RAP1GAP2: variants seen among roughly 807,000 people sequenced by gnomAD.
RAP1GAP2 encodes the protein rap1 GTPase-activating protein 2.
RAP1GAP2 carries 27 observed loss-of-function variants against 95.0 expected under a neutral mutation model. The observed-to-expected ratio is 0.28, with a 90% confidence interval of 0.21 to 0.39. The LOEUF (loss-of-function observed/expected upper bound fraction) is 0.39. Ranked by LOEUF, RAP1GAP2 falls within the 10% of genes least tolerant of loss-of-function variation. The pLI is 1.00. For synonymous variants in RAP1GAP2, 373 were observed against 380.9 expected, an observed-to-expected ratio of 0.98 and a Z score of 0.24; for missense variants, 771 against 970.0, an observed-to-expected ratio of 0.79 and a Z score of 2.72.
chr17:2,986,526 A>C (rs1597801309), intron 11 of RAP1GAP2, among the ~76,000 whole-genome samples: 1 of 150,460 alleles, frequency 6.6e-6, no homozygotes, highest in East Asian at 2.0e-4. Flanking sequence ...GTGGAGGAAA[A>C]AGCCAAGAAG....
chr17:2,922,205 G>A (rs1407862830), intron 3 of RAP1GAP2, among the ~76,000 whole-genome samples: 1 of 152,226 alleles, frequency 6.6e-6, no homozygotes, highest in African/African-American at 2.4e-5. Context: ...TGTCCTCACA[G>A]GGAGGAAGGC....
In RAP1GAP2 at chr17:2,800,519, G is replaced by A. The variant is rs138309648; in HGVS notation, c.49G>A (p.Asp17Asn). The change falls in exon 2 of 25, where the codon GAC (aspartate) becomes AAC (asparagine). Residue 17 changes from aspartate to asparagine, a missense_variant. By Grantham distance (23) the Asp-to-Asn change is conservative. Transcript: ENST00000254695. ...CCCTTGCTTTTCTCTTGGCAGGATC[G>A]ACAAGACCATGCTGGCAAGTCTGAA... The part of the protein sequence containing the change: ...SVSFGGFGWI[D>N]KTMLASLKVK... The A allele has an allele frequency of 1.4e-5, 23 of 1,612,626 alleles. No individual in the cohort carries two copies. The highest frequency in any genetic ancestry group is 1.8e-5 in the Non-Finnish European group (21 of 1,179,356).
At chr17:2,791,251 G>A (rs1329380381) in intron 1 of RAP1GAP2, among the ~76,000 whole-genome samples, 3 of 152,158 alleles carry the variant, frequency 2.0e-5, no homozygotes, top group Non-Finnish European at 4.4e-5. Flanking sequence ...GTTCCCTGGA[G>A]CTCTGCCCTG....
intron 1 of RAP1GAP2, among the ~76,000 whole-genome samples, chr17:2,762,359 C>G (rs1215022275): frequency 1.4e-5 from 2 of 145,842 alleles, no homozygotes; most frequent in South Asian, 2.2e-4. Flanking sequence ...TGTTAGTTGT[C>G]TTTGTATTAT....
intron 2 of RAP1GAP2, among the ~76,000 whole-genome samples, chr17:2,883,744 C>A (rs1168368848): frequency 6.6e-6 from 1 of 152,224 alleles, no homozygotes; most frequent in Non-Finnish European, 1.5e-5. Context: ...TTCCTGATGG[C>A]CGCAGGATGA....
chr17:2,756,712 A>G (rs1832157823), intron 1 of RAP1GAP2, among the ~76,000 whole-genome samples: 1 of 152,118 alleles, frequency 6.6e-6, no homozygotes, highest in Admixed American at 6.6e-5. Flanking sequence ...ATGAACAATA[A>G]TGTCATCAAT....
chr17:2,772,989 G>A (rs111648696), upstream of RAP1GAP2, among the ~76,000 whole-genome samples: 13,059 of 151,614 alleles, frequency 0.086, 849 homozygotes, highest in East Asian at 0.33. Context: ...CTCCCTAGTA[G>A]CTGGGATTAC....
At chr17:2,964,557 ATGAGTCCTTG>A in intron 7 of RAP1GAP2, 2 of 159,256 alleles carry the variant, frequency 1.3e-5, no homozygotes, top group South Asian at 3.5e-4. Context: ...GCCCAGTGCC[ATGAGTCCTTG>A]TGGGGACCAC....
At chr17:2,908,877 A>T (rs1056125649) in intron 3 of RAP1GAP2, among the ~76,000 whole-genome samples, 5 of 151,964 alleles carry the variant, frequency 3.3e-5, no homozygotes, top group Admixed American at 2.0e-4. Flanking sequence ...AGCTAATTTA[A>T]AAATTTTCTG....
intron 2 of RAP1GAP2, among the ~76,000 whole-genome samples, chr17:2,805,494 TA>T (rs1320857409): frequency 2.1e-4 from 32 of 152,140 alleles, no homozygotes. Flanking sequence ...TAGCTGGGAT[TA>T]CAGGTGTGCA....
intron 3 of RAP1GAP2, among the ~76,000 whole-genome samples, chr17:2,936,462 G>A (rs997386372): frequency 2.6e-5 from 4 of 151,420 alleles, no homozygotes; most frequent in Admixed American, 1.3e-4. Flanking sequence ...ACAGACAAAC[G>A]CACTCACCTT....
chr17:2,892,455 G>A (rs562868641), intron 2 of RAP1GAP2, among the ~76,000 whole-genome samples: 1 of 152,276 alleles, frequency 6.6e-6, no homozygotes, highest in East Asian at 1.9e-4. Flanking sequence ...CTCATCTTGG[G>A]TGGCTCAGAT....
At position 2,866,087 on chromosome 17, in the gene RAP1GAP2, A is replaced by AG. The variant is rs113510206; in HGVS notation, c.81-39192dup. On this transcript the variant is annotated intron_variant, in intron 2 of 24. Transcript: ENST00000254695. The surrounding 1 kb of genome is among the most constrained non-coding windows in gnomAD (Gnocchi z 4.0). ...CAGGGAGCCCTGGAGGTCAGAAGAA[A>AG]GGGGGACCGCCCAAGGAAGGCTGCC... Among the ~76,000 whole-genome samples the AG allele has an allele frequency of 4.9e-3, 747 of 152,360 alleles. 5 individuals carry two copies. Among genetic ancestry groups the AG allele is most frequent in the African/African-American group, 0.016 (661 of 41,592 alleles).
At chr17:2,847,939 A>T (rs2151585538) in intron 2 of RAP1GAP2, among the ~76,000 whole-genome samples, 1 of 152,362 alleles carries the variant, frequency 6.6e-6, no homozygotes, top group South Asian at 2.1e-4. Flanking sequence ...AAATTACTGT[A>T]GTCATGCAGC....
Position 2,965,896 on chromosome 17 carries a change from C to T in RAP1GAP2, c.596+253C>T. The T allele has an allele frequency of 2.0e-6, 1 of 504,268 alleles. No homozygotes were observed. The allele number at this position is 504,268 out of a possible 1,614,324, so 31.2% of individuals were successfully genotyped here. On this transcript the variant is annotated intron_variant, in intron 8 of 24. Transcript: ENST00000254695. The surrounding 1 kb of genome is among the most constrained non-coding windows in gnomAD (Gnocchi z 4.7). ...CAAGGTCACCCAGACTGTACCCCTT[C>T]CTGCCCCTCTTTCTTACAAGTCCAT...
chr17:2,843,186 C>T (rs918773092), intron 2 of RAP1GAP2, among the ~76,000 whole-genome samples: 1 of 152,092 alleles, frequency 6.6e-6, no homozygotes, highest in Non-Finnish European at 1.5e-5. Flanking sequence ...GGTGCAGAAT[C>T]ACTAAGGGTG....
chr17:3,030,192 A>ACACACACACACACACACG (rs2047248930), intron 22 of RAP1GAP2, among the ~76,000 whole-genome samples: 1 of 150,208 alleles, frequency 6.7e-6, no homozygotes, highest in Admixed American at 6.7e-5. Context: ...ACACACACAC[A>ACACACACACACACACACG]CACACTCACT....
At chr17:3,013,519 G>T (rs926953398) in intron 17 of RAP1GAP2, among the ~76,000 whole-genome samples, 27 of 151,984 alleles carry the variant, frequency 1.8e-4, no homozygotes, top group African/African-American at 6.5e-4. Context: ...CACTTACCCA[G>T]CCTGCCGCCT....
intron 3 of RAP1GAP2, among the ~76,000 whole-genome samples, chr17:2,907,715 A>G (rs1426701147): frequency 6.6e-6 from 1 of 152,108 alleles, no homozygotes. Context: ...TGCTGTTCAA[A>G]GGGAGGCCAA....
Sources: gnomAD v4.1 joint callset for allele counts (sites outside exome capture counted in the v4.1 genomes callset) on GRCh38, gnomAD v4.1.1 for gene constraint, Gnocchi (gnomAD v3.1) non-coding constraint, MANE v1.5 for transcripts, NCBI Gene and HGNC (gene_info 2026-07-23, HGNC 2026-07-21) for gene names.